The following EPB41 variants were observed in gnomAD, a reference collection of about 807,000 sequenced individuals.
EPB41 encodes the protein erythrocyte membrane protein band 4.1.
EPB41 carries 65 observed loss-of-function variants against 108.0 expected under a neutral mutation model. That is an observed-to-expected ratio of 0.60 (90% confidence interval 0.49 to 0.74). The LOEUF (loss-of-function observed/expected upper bound fraction) is 0.74, where lower values mean the gene tolerates loss of function less well. Among genes scored for constraint, EPB41 ranks in the 30% least tolerant of loss-of-function variants. The probability of loss-of-function intolerance (pLI) is 0.00; values close to 1 mark genes in which losing one functional copy is unlikely to be tolerated. For missense variants in EPB41, 875 were observed against 1,037.0 expected (o/e 0.84, Z 2.15); for synonymous variants, 336 against 358.9 (o/e 0.94, Z 0.72).
chr1:29,057,037 C>G (rs1558179109), intron 12 of EPB41, among the ~76,000 whole-genome samples: 1 of 152,006 alleles, frequency 6.6e-6, no homozygotes, highest in African/African-American at 2.4e-5. Context: ...GTAAAAAAAA[C>G]TTGTTAATGA....
chr1:28,938,596 G>C (rs2094146812), intron 1 of EPB41, among the ~76,000 whole-genome samples: 1 of 150,900 alleles, frequency 6.6e-6, no homozygotes, highest in African/African-American at 2.4e-5. Flanking sequence ...GCAGTAGTGC[G>C]ATTTTTGCTC....
intron 19 of EPB41, among the ~76,000 whole-genome samples, chr1:29,114,623 G>A (rs1281137043): frequency 2.5e-5 from 3 of 120,596 alleles, no homozygotes; most frequent in Admixed American, 1.0e-4. Flanking sequence ...AGCCTGGGCA[G>A]TGAGACTCCG....
At chr1:29,114,577 A>AGGT (rs1325290485) in intron 19 of EPB41, among the ~76,000 whole-genome samples, 2 of 144,196 alleles carry the variant, frequency 1.4e-5, no homozygotes, top group Non-Finnish European at 3.0e-5. Flanking sequence ...CAGGAGGCAG[A>AGGT]GGTTTCAGTG....
intron 16 of EPB41, among the ~76,000 whole-genome samples, chr1:29,086,794 C>G (rs1019674285): frequency 2.0e-5 from 3 of 151,998 alleles, no homozygotes; most frequent in Non-Finnish European, 4.4e-5. Flanking sequence ...AAGTGGGGAA[C>G]AAGTGACTAA....
intron 4 of EPB41, among the ~76,000 whole-genome samples, chr1:29,006,905 T>C (rs1440637420): frequency 7.1e-6 from 1 of 139,986 alleles, no homozygotes; most frequent in Non-Finnish European, 1.6e-5. Context: ...ATCCCAAAAT[T>C]AAAAAAAAAA....
intron 1 of EPB41, among the ~76,000 whole-genome samples, chr1:28,943,166 G>T (rs755347796): frequency 6.6e-6 from 1 of 152,058 alleles, no homozygotes; most frequent in Non-Finnish European, 1.5e-5. Flanking sequence ...AGCAAAATAT[G>T]TTAATTTGGT....
At chr1:29,012,613 T>G (rs1171897302) in intron 5 of EPB41, among the ~76,000 whole-genome samples, 2 of 152,262 alleles carry the variant, frequency 1.3e-5, no homozygotes, top group Non-Finnish European at 2.9e-5. Flanking sequence ...ACCTGTCCTT[T>G]TAGTTTAGTT....
chr1:28,952,562 G>C (rs890785295), intron 1 of EPB41, among the ~76,000 whole-genome samples: 3 of 152,010 alleles, frequency 2.0e-5, no homozygotes, highest in African/African-American at 7.2e-5. Context: ...AGTGGTTTAT[G>C]CTCATTTTAG....
intron 11 of EPB41, among the ~76,000 whole-genome samples, chr1:29,047,253 CTTTTTTT>C (rs755248112): frequency 9.9e-6 from 1 of 100,530 alleles, no homozygotes; most frequent in Admixed American, 1.1e-4. Context: ...TCTTTCTTTC[CTTTTTTT>C]TTTTTTTTTG....
intron 1 of EPB41, among the ~76,000 whole-genome samples, chr1:28,959,254 G>A (rs1291198044): frequency 1.6e-5 from 2 of 123,286 alleles, no homozygotes; most frequent in Non-Finnish European, 3.1e-5. Context: ...GTCTCGCTCT[G>A]TTGCCAGGCT....
chr1:29,073,392 T>G (rs2151137290), intron 16 of EPB41, among the ~76,000 whole-genome samples: 1 of 152,290 alleles, frequency 6.6e-6, no homozygotes, highest in East Asian at 1.9e-4. Flanking sequence ...GAGACAAACC[T>G]ACTTCATGAG....
chr1:29,066,252 C>T (rs564389679), intron 16 of EPB41, among the ~76,000 whole-genome samples: 1 of 152,078 alleles, frequency 6.6e-6, no homozygotes, highest in South Asian at 2.1e-4. Context: ...AACCCCATCT[C>T]TACTAAATAT....
chr1:28,987,571 G>A lies in EPB41; in HGVS notation c.134G>A (p.Gly45Glu). 1 of 1,614,144 alleles carries A rather than the reference G, an allele frequency of 6.2e-7. No homozygotes were observed. Among genetic ancestry groups the A allele is most frequent in the Non-Finnish European group, 8.5e-7 (1 of 1,180,038 alleles). ...GAATCTTGTCAAACAGCAGCTGAAGGAGATAATTGGTGTGAACAGAAGCTG... is the reference window on the plus strand; with the variant it reads ...GAATCTTGTCAAACAGCAGCTGAAGAAGATAATTGGTGTGAACAGAAGCTG... ...QEESCQTAAEGDNWCEQKLKA... is the reference protein window; with the variant it reads ...QEESCQTAAEEDNWCEQKLKA... Residue 45 changes from glycine to glutamate, a missense_variant, in exon 2 of 21, where the codon GGA becomes GAA. Around this residue, in one of 3 missense-constraint regions of EPB41, gnomAD observed 353 missense variants for 393.2 expected, o/e 0.90. Coordinates refer to ENST00000343067, the MANE Select transcript of EPB41 (RefSeq NM_001376013.1).
chr1:28,934,128 T>A lies in EPB41; in HGVS notation c.-8+19360T>A, dbSNP rs184729128. Among the ~76,000 whole-genome samples the A allele has an allele frequency of 2.6e-5, 4 of 152,260 alleles. No individual in the cohort carries two copies. In the East Asian group the frequency reaches 7.7e-4, roughly 29 times the overall value. On this transcript the variant is annotated intron_variant, in intron 1 of 20. Coordinates refer to ENST00000343067, the MANE Select transcript of EPB41 (RefSeq NM_001376013.1). ...CTTTGTTTTTGATGATCTTGACAGT[T>A]TTGAGGGTTGTTGGTCAGATATTTG...
rs752725875 is a variant in EPB41 at position 29,097,902 on chromosome 1, T to C, written c.2280T>C (p.Thr760=). Residue 760 remains threonine (T), a synonymous_variant, in exon 17 of 21, where the codon ACT becomes ACC. Transcript: ENST00000343067. ...IPTKDVPIVH[T]ETKTITYEAA... is the part of the protein sequence containing the mutation. ...CCAAAGACGTCCCTATTGTCCACAC[T>C]GAGACCAAGACCATCACTTATGAGG... The C allele has an allele frequency of 5.0e-6, 8 of 1,614,012 alleles. No individual in the cohort carries two copies. The highest frequency in any genetic ancestry group is 1.7e-5 in the Admixed American group (1 of 60,022).
chr1:28,928,554 C>T (rs530735185), intron 1 of EPB41, among the ~76,000 whole-genome samples: 6 of 152,298 alleles, frequency 3.9e-5, no homozygotes, highest in African/African-American at 1.4e-4. Context: ...ATTATAGCTC[C>T]ACAACTTGGA....
Position 28,959,837 on chromosome 1 carries a change from C to CT in EPB41, c.-7-27584dup, listed in dbSNP as rs527546084. Among the ~76,000 whole-genome samples the CT allele has an allele frequency of 5.7e-3, 830 of 146,288 alleles. 3 individuals are homozygous for CT. Among genetic ancestry groups the CT allele is most frequent in the Middle Eastern group, 0.021 (6 of 286 alleles). On this transcript the variant is annotated intron_variant, in intron 1 of 20. Transcript: ENST00000343067. ...TCTCTTTTTTCTTTAGTTTTCTTTTCTTTTTTTTTTGTATTTTTAGTGGAG... is the reference window on the plus strand; with the variant it reads ...TCTCTTTTTTCTTTAGTTTTCTTTTCTTTTTTTTTTTGTATTTTTAGTGGAG...
chr1:29,090,289 A>G lies in EPB41; in HGVS notation c.2185-7518A>G, dbSNP rs189471307. On this transcript the variant is annotated intron_variant, in intron 16 of 20. Coordinates refer to ENST00000343067, the MANE Select transcript of EPB41 (RefSeq NM_001376013.1). ...AAATGTGGGAATTGATGAGGGAAAC[A>G]TTAAAGCAAATAGATAAAGTAGATA... 2.0e-5 allele frequency among the ~76,000 whole-genome samples: 3 copies of G among 152,342 alleles called. No homozygotes were observed. The East Asian group carries it at 5.8e-4, about 29-fold the overall frequency.
intron 15 of EPB41, among the ~76,000 whole-genome samples, chr1:29,062,264 C>G (rs997060337): frequency 6.6e-6 from 1 of 152,150 alleles, no homozygotes; most frequent in Non-Finnish European, 1.5e-5. Context: ...TCTAAACATG[C>G]ATATTTCCTG....
Sources: gnomAD v4.1 joint callset for allele counts (sites outside exome capture counted in the v4.1 genomes callset) on GRCh38, gnomAD v4.1.1 for gene constraint, gnomAD v4.1.1 regional missense constraint, MANE v1.5 for transcripts, NCBI Gene and HGNC (gene_info 2026-07-23, HGNC 2026-07-21) for gene names.